LYRM4: variants seen among roughly 807,000 people sequenced by gnomAD.
LYRM4 encodes LYR motif-containing protein 4.
Under a neutral mutation model 11.7 loss-of-function variants are expected in LYRM4, and 9 were observed. The observed-to-expected ratio is 0.77, with a 90% confidence interval of 0.46 to 1.34. The LOEUF (loss-of-function observed/expected upper bound fraction) is 1.34. LYRM4 is among the 40% of genes most tolerant of loss of function. The pLI, the probability that LYRM4 is intolerant of heterozygous loss-of-function variation, is 0.00. For missense variants in LYRM4, 133 were observed against 112.5 expected (o/e 1.18, Z -0.82); for synonymous variants, 42 against 40.4 (o/e 1.04, Z -0.15).
At chr6:5,218,640 G>T (rs1462832501) in intron 1 of LYRM4, among the ~76,000 whole-genome samples, 1 of 152,176 alleles carries the variant, frequency 6.6e-6, no homozygotes, top group Admixed American at 6.5e-5. Flanking sequence ...TATTTCAGAG[G>T]AGCTGCTGAG....
At chr6:5,224,899 G>C (rs972941849) in intron 1 of LYRM4, among the ~76,000 whole-genome samples, 4 of 152,114 alleles carry the variant, frequency 2.6e-5, no homozygotes, top group Non-Finnish European at 5.9e-5. Flanking sequence ...GGCGAAGGTT[G>C]CAATGAGCCG....
At chr6:5,233,346 A>G (rs188015407) in intron 1 of LYRM4, among the ~76,000 whole-genome samples, 1 of 152,390 alleles carries the variant, frequency 6.6e-6, no homozygotes, top group East Asian at 1.9e-4. Flanking sequence ...TAAGTGAGGA[A>G]GAAGAAACAC....
At chr6:5,184,103 T>A (rs187680811) in intron 2 of LYRM4, among the ~76,000 whole-genome samples, 1 of 152,308 alleles carries the variant, frequency 6.6e-6, no homozygotes, top group East Asian at 1.9e-4. Flanking sequence ...GTATCAAAGC[T>A]TTTATACAAG....
intron 1 of LYRM4, among the ~76,000 whole-genome samples, chr6:5,226,147 T>G (rs1762879192): frequency 6.6e-6 from 1 of 152,346 alleles, no homozygotes; most frequent in Non-Finnish European, 1.5e-5. Flanking sequence ...GTTCACTTTT[T>G]GTGTGGTCCG....
intron 2 of LYRM4, among the ~76,000 whole-genome samples, chr6:5,162,676 T>C (rs953645497): frequency 1.3e-5 from 2 of 152,214 alleles, no homozygotes; most frequent in Non-Finnish European, 1.5e-5. Context: ...TATATGTCTA[T>C]GGCACCAAAA....
chr6:5,196,916 T>C (rs1173468290), intron 2 of LYRM4, among the ~76,000 whole-genome samples: 1 of 152,232 alleles, frequency 6.6e-6, no homozygotes, highest in Non-Finnish European at 1.5e-5. Flanking sequence ...GAAGTTCCAC[T>C]GTGACAACTC....
intron 2 of LYRM4, among the ~76,000 whole-genome samples, chr6:5,120,835 G>A (rs1763421128): frequency 1.3e-5 from 2 of 152,184 alleles, no homozygotes; most frequent in African/African-American, 2.4e-5. Context: ...ACAGAGCACT[G>A]ATTGGTGCAT....
chr6:5,105,920 G>A (rs1762650878), downstream of LYRM4: 1 of 152,392 alleles, frequency 6.6e-6, no homozygotes, highest in African/African-American at 2.4e-5. Flanking sequence ...TGTGGAAAGA[G>A]CCCTCTTCCT....
the LYRM4 span, among the ~76,000 whole-genome samples, chr6:5,062,315 T>G: frequency 6.7e-6 from 1 of 148,356 alleles, no homozygotes; most frequent in Admixed American, 6.8e-5. Context: ...ATTAATATAT[T>G]TATAACATAT....
At chr6:5,233,505 T>G (rs1323226694) in intron 1 of LYRM4, among the ~76,000 whole-genome samples, 3 of 152,166 alleles carry the variant, frequency 2.0e-5, no homozygotes, top group Non-Finnish European at 4.4e-5. Flanking sequence ...CATTATACTG[T>G]GGGAAATGCT....
At chr6:5,151,260 T>G (rs1758073058) in intron 2 of LYRM4, among the ~76,000 whole-genome samples, 1 of 152,092 alleles carries the variant, frequency 6.6e-6, no homozygotes, top group South Asian at 2.1e-4. Flanking sequence ...ATTTTTTGTA[T>G]TTTTAGTAGA....
At chr6:5,097,673 T>C in the LYRM4 span, among the ~76,000 whole-genome samples, 96,769 of 152,090 alleles carry the variant, frequency 0.64, 31,607 homozygotes, top group East Asian at 0.8. Context: ...TATTAATGGA[T>C]TAATCTATTC....
At chr6:5,195,568 A>G (rs1384665521) in intron 2 of LYRM4, among the ~76,000 whole-genome samples, 2 of 152,224 alleles carry the variant, frequency 1.3e-5, no homozygotes, top group African/African-American at 4.8e-5. Context: ...TGGGAGGCAG[A>G]GGTTGCAGTG....
the LYRM4 span, among the ~76,000 whole-genome samples, chr6:5,079,361 T>A: frequency 6.6e-6 from 1 of 152,240 alleles, no homozygotes; most frequent in Non-Finnish European, 1.5e-5. Context: ...GATAAGAATA[T>A]TCTCTTCTTG....
chr6:5,169,725 G>A (rs1009888893), intron 2 of LYRM4, among the ~76,000 whole-genome samples: 2 of 152,126 alleles, frequency 1.3e-5, no homozygotes, highest in African/African-American at 4.8e-5. Flanking sequence ...ATTACACGCT[G>A]ACTTATTCGC....
Position 5,163,794 on chromosome 6 carries a change from A to G in LYRM4, c.207+52824T>C, listed in dbSNP as rs551646509. ...ATGCCTGGCTAATTTTTGTATTTTT[A>G]GTAGAGACTGGGTTTCACCATGTTG... On this transcript the variant is annotated intron_variant, in intron 2 of 2. Coordinates refer to ENST00000330636, the MANE Select transcript of LYRM4 (RefSeq NM_020408.6). 2.8e-4 allele frequency among the ~76,000 whole-genome samples: 42 copies of G among 151,972 alleles called. 1 individual carries two copies. Among genetic ancestry groups the G allele is most frequent in the Admixed American group, 2.6e-3 (39 of 15,262 alleles).
chr6:5,179,805 T>C (rs1042126043), intron 2 of LYRM4, among the ~76,000 whole-genome samples: 1 of 152,234 alleles, frequency 6.6e-6, no homozygotes, highest in African/African-American at 2.4e-5. Context: ...TTGCATCCTA[T>C]GGTAATGCTG....
chr6:5,041,163 C>CAA, the LYRM4 span, among the ~76,000 whole-genome samples: 5 of 138,372 alleles, frequency 3.6e-5, no homozygotes, highest in African/African-American at 1.3e-4. Context: ...AGACTCGTCT[C>CAA]AAAAAAAAAA....
At chr6:5,167,313 T>C (rs115444261) in intron 2 of LYRM4, among the ~76,000 whole-genome samples, 1,838 of 152,248 alleles carry the variant, frequency 0.012, 36 homozygotes, top group African/African-American at 0.042. Flanking sequence ...CCAAAGATAA[T>C]CACCATTAAT....
Sources: gnomAD v4.1 joint callset for allele counts (sites outside exome capture counted in the v4.1 genomes callset) on GRCh38, gnomAD v4.1.1 for gene constraint, MANE v1.5 for transcripts, NCBI Gene and HGNC (gene_info 2026-07-23, HGNC 2026-07-21) for gene names.